The following EPHB3 variants were observed in gnomAD, a reference collection of about 807,000 sequenced individuals.
EPHB3 encodes ephrin type-B receptor 3.
EPHB3 carries 33 observed loss-of-function variants against 100.2 expected under a neutral mutation model. The ratio of observed to expected loss-of-function variants is 0.33; its 90% CI spans 0.25 to 0.44. The LOEUF is 0.44. EPHB3 is among the 20% of genes least tolerant of loss of function. EPHB3 has a pLI of 1.00. For synonymous variants in EPHB3, 526 were observed against 554.7 expected (o/e 0.95, Z 0.73); for missense variants, 1,045 against 1,378.3 (o/e 0.76, Z 3.83).
rs35514470 is a variant in EPHB3 at position 184,582,253 on chromosome 3, A to AGT, written c.*655_*656dup. 0.017 allele frequency: 2,562 copies of AGT among 150,858 alleles called. 24 individuals are homozygous for AGT. Among genetic ancestry groups the AGT allele is most frequent in the Non-Finnish European group, 0.024 (1,600 of 67,978 alleles). The allele number at this position is 150,858 out of a possible 1,614,324, so 9.3% of individuals were successfully genotyped here. A position where few individuals can be genotyped will look rare whatever the true frequency, so the allele number is the denominator to read the frequency against. ...CTCAGAGCCAGAGATGGGATGTGTG[A>AGT]GTGTGTGTGTGTGTGTGTGTGTGTG... On this transcript the variant is annotated 3_prime_UTR_variant, in exon 16 of 16. Coordinates refer to ENST00000330394, the MANE Select transcript of EPHB3 (RefSeq NM_004443.4).
chr3:184,579,930 T>C lies in EPHB3; in HGVS notation c.2168T>C (p.Leu723Pro). 6.2e-7 allele frequency: 1 copy of C among 1,612,850 alleles called. No homozygotes were observed. Among genetic ancestry groups the C allele is most frequent in the African/African-American group, 1.3e-5 (1 of 74,982 alleles). The change falls in exon 11 of 16, where the codon CTC (leucine) becomes CCC (proline). Residue 723 changes from leucine (L) to proline (P), a missense_variant. By Grantham distance (98) the Leu-to-Pro change is moderately conservative. This residue lies in a region of EPHB3 where 985 missense variants were observed against 1,331.1 expected (regional missense o/e 0.74). Coordinates refer to ENST00000330394, the MANE Select transcript of EPHB3 (RefSeq NM_004443.4). The surrounding 1 kb of genome is among the most constrained non-coding windows in gnomAD (Gnocchi z 5.2). ...GAAAACTGCGCCCTGGACTCCTTCC[T>C]CCGGGTAAGAGCCAGCCCCCAGGCC... ...FMENCALDSF[L>P]RLNDGQFTVI...
chr3:184,565,296 G>A lies in EPHB3; in HGVS notation c.118+2943G>A, dbSNP rs1714358263. ...GTCACCCACTGGTCTTTTGAGTAAT[G>A]TTCCCCAGTTCCCCAAAGCCAAGAT... On this transcript the variant is annotated intron_variant, in intron 1 of 15. Coordinates refer to ENST00000330394, the MANE Select transcript of EPHB3 (RefSeq NM_004443.4). This position sits in a 1 kb window ranked among gnomAD's most constrained non-coding sequence, Gnocchi z 4.8. Among the ~76,000 whole-genome samples, 1 of 152,110 alleles carries A rather than the reference G, an allele frequency of 6.6e-6. No homozygotes were observed. Among genetic ancestry groups the A allele is most frequent in the Non-Finnish European group, 1.5e-5 (1 of 68,018 alleles).
Position 184,562,344 on chromosome 3 carries a change from G to T in EPHB3, c.109G>T (p.Ala37Ser), listed in dbSNP as rs1714277458. 16 of 1,235,156 alleles carry T rather than the reference G, an allele frequency of 1.3e-5. No homozygotes were observed. The highest frequency in any genetic ancestry group is 1.5e-5 in the Non-Finnish European group (15 of 990,202). 76.5% of individuals were successfully genotyped at this position (1,235,156 alleles called of 1,614,324 possible). The stretch of plus-strand genomic sequence containing the variant: ...GCTGCTGCTGCCCGCCGGCTGCCGG[G>T]CGCTGGAAGGTGAGCGGCGTCGGGG... The part of the protein sequence containing the change: ...PLLLLPAGCR[A>S]LEETLMDTKW... The change falls in exon 1 of 16, where the codon GCG becomes TCG. Residue 37 changes from alanine to serine, a missense_variant. This residue lies in a region of EPHB3 where 60 missense variants were observed against 47.2 expected (regional missense o/e 1.27). Coordinates refer to ENST00000330394, the MANE Select transcript of EPHB3 (RefSeq NM_004443.4). This position sits in a 1 kb window ranked among gnomAD's most constrained non-coding sequence, Gnocchi z 4.8.
rs910929982 is a variant in EPHB3, at chr3:184,579,076, T to C, written c.1802-401T>C. Among the ~76,000 whole-genome samples, 3 of 152,086 alleles carry C rather than the reference T, an allele frequency of 2.0e-5. No individual in the cohort carries two copies. The highest frequency in any genetic ancestry group is 2.0e-4 in the Admixed American group (3 of 15,270). ...CCACCATAGGTAATTGGAAAGGCTC[T>C]CAAGCTGGGGAGTAATACAATGAAA... On this transcript the variant is annotated intron_variant, in intron 9 of 15. Transcript: ENST00000330394. This position sits in a 1 kb window ranked among gnomAD's most constrained non-coding sequence, Gnocchi z 5.2.
At chr3:184,576,422 C>T (rs563635301) in intron 4 of EPHB3, among the ~76,000 whole-genome samples, 3 of 152,330 alleles carry the variant, frequency 2.0e-5, no homozygotes, top group Non-Finnish European at 4.4e-5. Context: ...TCCTCTCTGC[C>T]CTGGCCTTCG....
Position 184,580,465 on chromosome 3 carries a change from A to C in EPHB3, c.2236A>C (p.Met746Leu). The C allele has an allele frequency of 6.2e-7, 1 of 1,614,200 alleles. No homozygotes were observed. Among genetic ancestry groups the C allele is most frequent in the Non-Finnish European group, 8.5e-7 (1 of 1,180,018 alleles). ...CATGTTGCGGGGCATTGCTGCCGGC[A>C]TGAAGTACCTGTCCGAGATGAACTA... The part of the protein sequence containing the change: ...VGMLRGIAAG[M>L]KYLSEMNYVH... The change falls in exon 12 of 16, where the codon ATG (methionine) becomes CTG (leucine). Residue 746 changes from methionine to leucine, a missense_variant. Around this residue, in one of 2 missense-constraint regions of EPHB3, gnomAD observed 985 missense variants for 1,331.1 expected, o/e 0.74. Transcript: ENST00000330394.
At position 184,581,628 on chromosome 3, in the gene EPHB3, G is replaced by T; in HGVS notation, c.*6G>T. The stretch of plus-strand genomic sequence containing the variant: ...CGCTGCCTGTGCAGGTCTGACACCG[G>T]CTCCCACGGGGACCCTGAGGACCGT... On this transcript the variant is annotated 3_prime_UTR_variant, in exon 16 of 16. Transcript: ENST00000330394. 6.2e-7 allele frequency: 1 copy of T among 1,600,400 alleles called. No homozygotes were observed. The highest frequency in any genetic ancestry group is 1.1e-5 in the South Asian group (1 of 88,832).
rs2108436423 is a variant in EPHB3, at chr3:184,571,517, T to G, written c.183+135T>G. The G allele has an allele frequency of 1.2e-6, 1 of 850,566 alleles. No homozygotes were observed. The highest frequency in any genetic ancestry group is 1.5e-5 in the South Asian group (1 of 64,920). 52.7% of individuals were successfully genotyped at this position (850,566 alleles called of 1,614,324 possible). ...CCCTCTGCCTGTCACCCTCACTTCC[T>G]GTGCCATCCCCATCATCCTCACTTG... On this transcript the variant is annotated intron_variant, in intron 2 of 15. Coordinates refer to ENST00000330394, the MANE Select transcript of EPHB3 (RefSeq NM_004443.4). The surrounding 1 kb of genome is among the most constrained non-coding windows in gnomAD (Gnocchi z 5.0).
chr3:184,581,954 T>C lies in EPHB3; in HGVS notation c.*332T>C. 4.3e-6 allele frequency: 1 copy of C among 230,866 alleles called. No individual in the cohort carries two copies. Among genetic ancestry groups the C allele is most frequent in the Non-Finnish European group, 8.4e-6 (1 of 118,992 alleles). The allele number at this position is 230,866 out of a possible 1,614,324, so 14.3% of individuals were successfully genotyped here. A position where few individuals can be genotyped will look rare whatever the true frequency, so the allele number is the denominator to read the frequency against. ...GCTGGAGGTCCTGGCAGGGTCAGGC[T>C]GGGGTAAGCCGGGGTTCCACAGGGC... On this transcript the variant is annotated 3_prime_UTR_variant, in exon 16 of 16. Transcript: ENST00000330394.
At position 184,577,395 on chromosome 3, in the gene EPHB3, C is replaced by T. The variant is rs779118332; in HGVS notation, c.1407C>T (p.Leu469=). The change falls in exon 6 of 16, where the codon CTC becomes CTT. Residue 469 remains leucine, a synonymous_variant. Transcript: ENST00000330394. This position sits in a 1 kb window ranked among gnomAD's most constrained non-coding sequence, Gnocchi z 4.9. ...TGCACAGCAGCTCAGGCAGCAGCCTCACCCTATCCTGGGCACCCCCAGAGC... is the reference window on the plus strand; with the variant it reads ...TGCACAGCAGCTCAGGCAGCAGCCTTACCCTATCCTGGGCACCCCCAGAGC... The part of the protein sequence containing the change: ...LRLHSSSGSS[L]TLSWAPPERP... The T allele has an allele frequency of 4.3e-6, 7 of 1,613,898 alleles. No individual in the cohort carries two copies. In the Admixed American group the frequency reaches 6.7e-5, roughly 15 times the overall value.
In EPHB3 at chr3:184,579,886, G is replaced by T; in HGVS notation, c.2124G>T (p.Met708Ile). ...EGVVTKSRPV[M>I]ILTEFMENCA... ...TGGTCACCAAAAGTCGGCCAGTTAT[G>T]ATCCTCACTGAGTTCATGGAAAACT... Residue 708 changes from methionine (M) to isoleucine (I), a missense_variant, in exon 11 of 16, where the codon ATG (methionine) becomes ATT (isoleucine). Transcript: ENST00000330394. This position sits in a 1 kb window ranked among gnomAD's most constrained non-coding sequence, Gnocchi z 5.2. The T allele has an allele frequency of 1.2e-6, 2 of 1,613,858 alleles. No individual in the cohort carries two copies. The highest frequency in any genetic ancestry group is 1.7e-6 in the Non-Finnish European group (2 of 1,179,988).
At chr3:184,564,570 T>A (rs572455545) in intron 1 of EPHB3, among the ~76,000 whole-genome samples, 1 of 152,328 alleles carries the variant, frequency 6.6e-6, no homozygotes, top group Non-Finnish European at 1.5e-5. Context: ...TACCCTAGGG[T>A]CTGCTCCTTG....
chr3:184,577,719 G>A lies in EPHB3; in HGVS notation c.1541G>A (p.Arg514Gln), dbSNP rs773436930. 99 of 1,611,080 alleles carry A rather than the reference G, an allele frequency of 6.1e-5. No individual in the cohort carries two copies. The Admixed American group carries it at 1.5e-3, about 25-fold the overall frequency. ...AACTCCGTGCAGCTGGACGGGCTTCGGCCTGACGCCCGCTATGTGGTCCAG... is the reference window on the plus strand; with the variant it reads ...AACTCCGTGCAGCTGGACGGGCTTCAGCCTGACGCCCGCTATGTGGTCCAG... Reference protein sequence around the residue: ...QMNSVQLDGLRPDARYVVQVR... With the variant: ...QMNSVQLDGLQPDARYVVQVR... The change falls in exon 7 of 16, where the codon CGG (arginine) becomes CAG (glutamine). Residue 514 changes from arginine (R) to glutamine (Q), a missense_variant. Arg to Gln is a conservative substitution (Grantham distance 43, BLOSUM62 1). Around this residue, in one of 2 missense-constraint regions of EPHB3, gnomAD observed 985 missense variants for 1,331.1 expected, o/e 0.74. Transcript: ENST00000330394. The surrounding 1 kb of genome is among the most constrained non-coding windows in gnomAD (Gnocchi z 4.9).
rs1016560103 is a variant in EPHB3 at position 184,573,754 on chromosome 3, G to T, written c.856+578G>T. 7.1e-6 allele frequency among the ~76,000 whole-genome samples: 1 copy of T among 140,598 alleles called. No homozygotes were observed. Among genetic ancestry groups the T allele is most frequent in the Non-Finnish European group, 1.5e-5 (1 of 65,522 alleles). 92.2% of individuals were successfully genotyped at this position (140,598 alleles called of 152,430 possible). On this transcript the variant is annotated intron_variant, in intron 3 of 15. Transcript: ENST00000330394. The surrounding 1 kb of genome is among the most constrained non-coding windows in gnomAD (Gnocchi z 4.5). ...TTTTTTGAGATGGAGTTTCACAATT[G>T]TTGCCTAGGCTGGAGTGCAATGGCG...
rs772124224 is a variant in EPHB3 at position 184,581,651 on chromosome 3, C to T, written c.*29C>T. Reference sequence around the variant, plus strand: ...CGGCTCCCACGGGGACCCTGAGGACCGTGCAGGGATGCCAAGCAGCCGGCT... The same window carrying T: ...CGGCTCCCACGGGGACCCTGAGGACTGTGCAGGGATGCCAAGCAGCCGGCT... On this transcript the variant is annotated 3_prime_UTR_variant, in exon 16 of 16. Transcript: ENST00000330394. The T allele has an allele frequency of 9.0e-6, 14 of 1,547,660 alleles. No individual in the cohort carries two copies. The highest frequency in any genetic ancestry group is 6.2e-5 in the Admixed American group (3 of 48,146).
chr3:184,577,912 C>T lies in EPHB3; in HGVS notation c.1654C>T (p.Gln552Ter), dbSNP rs1273747541. ...TTSERGSGAQ[Q>*]LQEQLPLIVG... ...TCTATCTCCAGGCTCTGGGGCCCAG[C>T]AGCTCCAGGAGCAGCTTCCCCTCAT... is the stretch of plus-strand genomic sequence containing the variant. Residue 552 changes from glutamine to a stop codon, truncating the protein, a stop_gained, in exon 8 of 16, where the codon CAG (glutamine) becomes TAG (stop). Transcript: ENST00000330394. LOFTEE classifies it high-confidence loss of function. The surrounding 1 kb of genome is among the most constrained non-coding windows in gnomAD (Gnocchi z 4.9). The T allele has an allele frequency of 6.2e-7, 1 of 1,613,830 alleles. No homozygotes were observed. Among genetic ancestry groups the T allele is most frequent in the Admixed American group, 1.7e-5 (1 of 59,990 alleles).
rs1199788558 is a variant in EPHB3 at position 184,575,992 on chromosome 3, G to A, written c.1012+7G>A. On this transcript the variant is annotated splice_region_variant and intron_variant, in intron 4 of 15. Transcript: ENST00000330394. Reference sequence around the variant, plus strand: ...GCGGACAGTGCCTGTACCAGTGAGTGAACGCGTGACCTCTCTTTCCCTCTG... The same window carrying A: ...GCGGACAGTGCCTGTACCAGTGAGTAAACGCGTGACCTCTCTTTCCCTCTG... 6.2e-7 allele frequency: 1 copy of A among 1,604,044 alleles called. No homozygotes were observed. Among genetic ancestry groups the A allele is most frequent in the South Asian group, 1.1e-5 (1 of 89,860 alleles).
In EPHB3 at chr3:184,579,568, C is replaced by T. The variant is rs765057955; in HGVS notation, c.1893C>T (p.Ser631=). The T allele has an allele frequency of 1.2e-5, 19 of 1,613,904 alleles. No individual in the cohort carries two copies. Among genetic ancestry groups the T allele is most frequent in the Admixed American group, 3.3e-5 (2 of 59,988 alleles). ...VREFAKEIDV[S]CVKIEEVIGA... ...AGTTTGCCAAGGAGATCGACGTGTC[C>T]TGCGTCAAGATCGAGGAGGTGATCG... Residue 631 remains serine (S), a synonymous_variant, in exon 10 of 16, where the codon TCC becomes TCT. Coordinates refer to ENST00000330394, the MANE Select transcript of EPHB3 (RefSeq NM_004443.4). This position sits in a 1 kb window ranked among gnomAD's most constrained non-coding sequence, Gnocchi z 5.2.
At position 184,578,167 on chromosome 3, in the gene EPHB3, G is replaced by A; in HGVS notation, c.1748+161G>A. On this transcript the variant is annotated intron_variant, in intron 8 of 15. Coordinates refer to ENST00000330394, the MANE Select transcript of EPHB3 (RefSeq NM_004443.4). The surrounding 1 kb of genome is among the most constrained non-coding windows in gnomAD (Gnocchi z 4.7). ...GCTGGAGAAGCCCTCTCCCATCCCT[G>A]CCTGTGTCTTCATCCCGCCCTTTCT... is the stretch of plus-strand genomic sequence containing the variant. The A allele has an allele frequency of 2.2e-6, 2 of 892,066 alleles. No homozygotes were observed. The highest frequency in any genetic ancestry group is 3.3e-6 in the Non-Finnish European group (2 of 598,138). The allele number at this position is 892,066 out of a possible 1,614,324, so 55.3% of individuals were successfully genotyped here. A position where few individuals can be genotyped will look rare whatever the true frequency, so the allele number is the denominator to read the frequency against.
Sources: gnomAD v4.1 joint callset for allele counts (sites outside exome capture counted in the v4.1 genomes callset) on GRCh38, gnomAD v4.1.1 for gene constraint, gnomAD v4.1.1 regional missense constraint, Gnocchi (gnomAD v3.1) non-coding constraint, MANE v1.5 for transcripts, NCBI Gene and HGNC (gene_info 2026-07-23, HGNC 2026-07-21) for gene names.